Variants in ZNF407 observed in about 807,000 individuals in gnomAD.
ZNF407 encodes the protein zinc finger protein 407.
Under a neutral mutation model 131.2 loss-of-function variants are expected in ZNF407, and 17 were observed. The ratio of observed to expected loss-of-function variants is 0.13; its 90% CI spans 0.09 to 0.19. ZNF407 has a LOEUF of 0.19. ZNF407 is among the 10% of genes least tolerant of loss of function. ZNF407 has a pLI of 1.00. For missense variants in ZNF407, 2,681 were observed against 2,830.6 expected (o/e 0.95, Z 1.20); for synonymous variants, 1,156 against 1,062.0 (o/e 1.09, Z -1.72).
intron 3 of ZNF407, among the ~76,000 whole-genome samples, chr18:74,779,347 C>T (rs1969551508): frequency 6.6e-6 from 1 of 151,576 alleles, no homozygotes; most frequent in Admixed American, 6.6e-5. Flanking sequence ...ATCTCCCGAC[C>T]TTGTGATCCA....
rs997958973 is a variant in ZNF407 at position 74,792,660 on chromosome 18, C to G, written c.4877+11158C>G. 4.0e-5 allele frequency among the ~76,000 whole-genome samples: 6 copies of G among 151,880 alleles called. No homozygotes were observed. The South Asian group carries it at 1.2e-3, about 32-fold the overall frequency. ...ATAATGACAATATATGAACATATTTCAAAGTTTCAATGTGTTCAAAAGATA... is the reference window on the plus strand; with the variant it reads ...ATAATGACAATATATGAACATATTTGAAAGTTTCAATGTGTTCAAAAGATA... On this transcript the variant is annotated intron_variant, in intron 4 of 8. Coordinates refer to ENST00000299687, the MANE Select transcript of ZNF407 (RefSeq NM_017757.3).
At chr18:75,022,703 T>G (rs1348145514) in intron 8 of ZNF407, among the ~76,000 whole-genome samples, 1 of 152,146 alleles carries the variant, frequency 6.6e-6, no homozygotes, top group Non-Finnish European at 1.5e-5. Flanking sequence ...CTGGTGAGGC[T>G]GTAGAGAGGA....
chr18:74,784,390 A>G (rs1228343268), intron 4 of ZNF407, among the ~76,000 whole-genome samples: 2 of 152,226 alleles, frequency 1.3e-5, no homozygotes, highest in Non-Finnish European at 2.9e-5. Context: ...ATATGCAAAA[A>G]TTATAATTTA....
In ZNF407 at chr18:74,779,194, C is replaced by T. The variant is rs1286660445; in HGVS notation, c.4803-2234C>T. ...GCAGTGGCGCAATCTCGGCTCACTG[C>T]AAGCTCCGCCTCCCGGGTTCACGCC... On this transcript the variant is annotated intron_variant, in intron 3 of 8. Coordinates refer to ENST00000299687, the MANE Select transcript of ZNF407 (RefSeq NM_017757.3). Among the ~76,000 whole-genome samples, 6 of 142,648 alleles carry T rather than the reference C, an allele frequency of 4.2e-5. 1 individual carries two copies. Among genetic ancestry groups the T allele is most frequent in the Non-Finnish European group, 7.5e-5 (5 of 66,520 alleles). The allele number at this position is 142,648 out of a possible 152,430, so 93.6% of individuals were successfully genotyped here.
intron 8 of ZNF407, among the ~76,000 whole-genome samples, chr18:75,054,306 T>C (rs1334218792): frequency 6.6e-6 from 1 of 152,244 alleles, no homozygotes; most frequent in Non-Finnish European, 1.5e-5. Flanking sequence ...ATTTTAATGA[T>C]GCCTCTGTGC....
intron 4 of ZNF407, among the ~76,000 whole-genome samples, chr18:74,796,197 C>T (rs1456979483): frequency 6.6e-6 from 1 of 152,156 alleles, no homozygotes; most frequent in East Asian, 1.9e-4. Flanking sequence ...TTCTGCAGTA[C>T]TGAATATAAT....
chr18:74,737,814 C>G (rs1183165890), intron 3 of ZNF407, among the ~76,000 whole-genome samples: 8 of 152,018 alleles, frequency 5.3e-5, no homozygotes, highest in Admixed American at 3.3e-4. Context: ...GGCACATGTT[C>G]TAGATTTAAA....
intron 8 of ZNF407, among the ~76,000 whole-genome samples, chr18:74,963,096 A>G (rs902710078): frequency 5.9e-5 from 9 of 151,312 alleles, no homozygotes; most frequent in Admixed American, 1.3e-4. Flanking sequence ...GTAAAATCCA[A>G]TCGCACTTTC....
chr18:74,640,387 A>C (rs759373815), intron 2 of ZNF407, among the ~76,000 whole-genome samples: 65 of 152,054 alleles, frequency 4.3e-4, no homozygotes, highest in Non-Finnish European at 4.7e-4. Context: ...AGTTTGTTTA[A>C]TCATCATCGA....
intron 4 of ZNF407, among the ~76,000 whole-genome samples, chr18:74,788,233 G>A (rs1969758083): frequency 6.6e-6 from 1 of 152,172 alleles, no homozygotes; most frequent in Non-Finnish European, 1.5e-5. Flanking sequence ...CAAAGCTCAT[G>A]TAATTCAAGG....
Position 74,634,884 on chromosome 18 carries a change from C to A in ZNF407, c.3865C>A (p.His1289Asn). 1 of 1,613,466 alleles carries A rather than the reference C, an allele frequency of 6.2e-7. No homozygotes were observed. Among genetic ancestry groups the A allele is most frequent in the Non-Finnish European group, 8.5e-7 (1 of 1,179,662 alleles). ...GGGTCAGAACAGAGTTGCACGTGGG[C>A]ATGGTTTGGAAGACTTGAAAGGTGT... ...SGGQNRVARG[H>N]GLEDLKGVQE... is the part of the protein sequence containing the mutation. Residue 1289 changes from histidine (H) to asparagine (N), a missense_variant, in exon 2 of 9, where the codon CAT (histidine) becomes AAT (asparagine). Coordinates refer to ENST00000299687, the MANE Select transcript of ZNF407 (RefSeq NM_017757.3).
intron 7 of ZNF407, among the ~76,000 whole-genome samples, chr18:74,891,496 TAA>T (rs1408274506): frequency 6.6e-6 from 1 of 152,250 alleles, no homozygotes; most frequent in African/African-American, 2.4e-5. Context: ...ATTATTGCAT[TAA>T]GTTTTATGTG....
At chr18:74,828,542 T>TTTAG (rs3082072) in intron 4 of ZNF407, among the ~76,000 whole-genome samples, 11,982 of 152,286 alleles carry the variant, frequency 0.079, 608 homozygotes, top group South Asian at 0.17. Context: ...GATGGAGTTA[T>TTTAG]TTAGTCCATT....
intron 4 of ZNF407, among the ~76,000 whole-genome samples, chr18:74,811,790 C>G (rs190180809): frequency 2.0e-5 from 3 of 151,684 alleles, no homozygotes; most frequent in African/African-American, 7.3e-5. Context: ...AACCAAACAC[C>G]GCATATTCTC....
intron 7 of ZNF407, among the ~76,000 whole-genome samples, chr18:74,913,200 G>C (rs1401939899): frequency 1.3e-5 from 2 of 152,202 alleles, no homozygotes; most frequent in Non-Finnish European, 2.9e-5. Context: ...AGCAATTCCA[G>C]TTGTCATGAT....
chr18:74,890,431 C>G (rs1971368692), intron 7 of ZNF407, among the ~76,000 whole-genome samples: 1 of 152,174 alleles, frequency 6.6e-6, no homozygotes. Flanking sequence ...AAATTTATGA[C>G]ATGTATCTGC....
intron 8 of ZNF407, among the ~76,000 whole-genome samples, chr18:74,981,609 A>G (rs1972593918): frequency 6.6e-6 from 1 of 152,146 alleles, no homozygotes; most frequent in South Asian, 2.1e-4. Context: ...ATGAGGCTAG[A>G]GGGGTCCCGA....
intron 3 of ZNF407, among the ~76,000 whole-genome samples, chr18:74,661,523 A>G (rs1985714220): frequency 6.6e-6 from 1 of 151,672 alleles, no homozygotes; most frequent in African/African-American, 2.4e-5. Flanking sequence ...TTTAATGAGA[A>G]ATATAATTTT....
chr18:74,984,437 A>G (rs1363336161), intron 8 of ZNF407, among the ~76,000 whole-genome samples: 1 of 152,240 alleles, frequency 6.6e-6, no homozygotes, highest in South Asian at 2.1e-4. Flanking sequence ...ACAATATATG[A>G]CATATTGGTT....
Sources: gnomAD v4.1 joint callset for allele counts (sites outside exome capture counted in the v4.1 genomes callset) on GRCh38, gnomAD v4.1.1 for gene constraint, MANE v1.5 for transcripts, NCBI Gene and HGNC (gene_info 2026-07-23, HGNC 2026-07-21) for gene names.